XYLT1: variants seen among roughly 807,000 people sequenced by gnomAD.
The protein encoded by XYLT1 is beta-D-xylosyltransferase 1.
A neutral mutation model predicts 91.3 loss-of-function variants in XYLT1; 36 were observed. That is an observed-to-expected ratio of 0.39 (90% CI 0.30 to 0.52). The LOEUF (loss-of-function observed/expected upper bound fraction) is 0.52, where lower values mean the gene tolerates loss of function less well. XYLT1 is among the 20% of genes least tolerant of loss of function. The pLI is 0.68. For missense variants in XYLT1, 1,242 were observed against 1,284.5 expected (o/e 0.97, Z 0.51); for synonymous variants, 588 against 532.0 (o/e 1.11, Z -1.45).
intron 11 of XYLT1, among the ~76,000 whole-genome samples, chr16:17,112,103 G>A (rs1966842596): frequency 6.6e-6 from 1 of 152,200 alleles, no homozygotes; most frequent in South Asian, 2.1e-4. Context: ...AACGCTGGGA[G>A]CCAAATATTG....
chr16:17,138,525 A>G lies in XYLT1; in HGVS notation c.1594T>C (p.Phe532Leu). Residue 532 changes from phenylalanine (F) to leucine (L), a missense_variant, in exon 8 of 12, where the codon TTC becomes CTC. Transcript: ENST00000261381. The stretch of plus-strand genomic sequence containing the variant: ...GGGCTGTTCTCCAGGACCGTATGGA[A>G]GAAGGACTGCAGGGGAGAGAGGGAC... Reference protein sequence around the residue: ...SYTLLPAESFFHTVLENSPHC... With the variant: ...SYTLLPAESFLHTVLENSPHC... 1 of 1,612,844 alleles carries G rather than the reference A, an allele frequency of 6.2e-7. No individual in the cohort carries two copies. Among genetic ancestry groups the G allele is most frequent in the Non-Finnish European group, 8.5e-7 (1 of 1,179,838 alleles).
At chr16:17,242,776 C>T (rs1047469377) in intron 3 of XYLT1, among the ~76,000 whole-genome samples, 1 of 152,210 alleles carries the variant, frequency 6.6e-6, no homozygotes, top group Non-Finnish European at 1.5e-5. Flanking sequence ...CTGTTTCTCT[C>T]TCCCTCAAGC....
intron 9 of XYLT1, among the ~76,000 whole-genome samples, chr16:17,133,987 G>A (rs1212297851): frequency 2.6e-5 from 4 of 152,170 alleles, no homozygotes. Context: ...GGATGTCTGG[G>A]ATTGACTTCA....
At chr16:17,419,327 G>A (rs2036220785) in intron 1 of XYLT1, among the ~76,000 whole-genome samples, 1 of 151,978 alleles carries the variant, frequency 6.6e-6, no homozygotes, top group Admixed American at 6.6e-5. Context: ...GGGCGACAGA[G>A]CAAGATCCTG....
At chr16:17,371,580 C>T (rs1473154168) in intron 1 of XYLT1, among the ~76,000 whole-genome samples, 1 of 152,214 alleles carries the variant, frequency 6.6e-6, no homozygotes, top group East Asian at 1.9e-4. Context: ...TGTAGCATAT[C>T]TGATGAGCTA....
At chr16:17,279,353 T>C (rs1344774193) in intron 2 of XYLT1, among the ~76,000 whole-genome samples, 1 of 152,176 alleles carries the variant, frequency 6.6e-6, no homozygotes, top group African/African-American at 2.4e-5. Context: ...TAGCTGTTAC[T>C]AGTATGATCA....
rs767861812 is a variant in XYLT1, at chr16:17,134,616, G to T, written c.1884C>A (p.Arg628=). ...CATCGTAGACATTCTCCCAGTAGGAGCGCAGGCCCGGGGTACCTGCAGGGT... is the reference window on the plus strand; with the variant it reads ...CATCGTAGACATTCTCCCAGTAGGATCGCAGGCCCGGGGTACCTGCAGGGT... ...GNYPAGTPGL[R]SYWENVYDEP... Residue 628 remains arginine (R), a synonymous_variant, in exon 9 of 12, where the codon CGC becomes CGA. Transcript: ENST00000261381. 2 of 1,614,216 alleles carry T rather than the reference G, an allele frequency of 1.2e-6. No homozygotes were observed. Among genetic ancestry groups the T allele is most frequent in the South Asian group, 1.1e-5 (1 of 91,084 alleles).
chr16:17,172,065 G>A (rs2031832393), intron 5 of XYLT1, among the ~76,000 whole-genome samples: 1 of 152,128 alleles, frequency 6.6e-6, no homozygotes, highest in Non-Finnish European at 1.5e-5. Flanking sequence ...GAGTTGTTTT[G>A]GGGTTAGAAG....
At chr16:17,373,521 T>A (rs949715461) in intron 1 of XYLT1, among the ~76,000 whole-genome samples, 2 of 152,218 alleles carry the variant, frequency 1.3e-5, no homozygotes, top group Non-Finnish European at 2.9e-5. Context: ...GCCACACACT[T>A]TTAAGCCAGC....
Position 17,258,872 on chromosome 16 carries a change from T to C in XYLT1, c.913+116A>G. Reference sequence around the variant, plus strand: ...TCAGATCTCGTGTGCTCATCTGGGGTTTGGAAAACAGGGTGGCCTTTCTCA... The same window carrying C: ...TCAGATCTCGTGTGCTCATCTGGGGCTTGGAAAACAGGGTGGCCTTTCTCA... On this transcript the variant is annotated intron_variant, in intron 3 of 11. Coordinates refer to ENST00000261381, the MANE Select transcript of XYLT1 (RefSeq NM_022166.4). 6.3e-6 allele frequency: 8 copies of C among 1,260,416 alleles called. No homozygotes were observed. The South Asian group carries it at 1.3e-4, about 21-fold the overall frequency. The allele number at this position is 1,260,416 out of a possible 1,614,324, so 78.1% of individuals were successfully genotyped here.
chr16:17,137,893 C>T (rs1185609442), intron 8 of XYLT1, among the ~76,000 whole-genome samples: 1 of 152,184 alleles, frequency 6.6e-6, no homozygotes, highest in Non-Finnish European at 1.5e-5. Flanking sequence ...CATGGGACAG[C>T]ATGTCCCAAC....
chr16:17,192,226 G>A (rs929241199), intron 5 of XYLT1, among the ~76,000 whole-genome samples: 1 of 151,196 alleles, frequency 6.6e-6, no homozygotes. Context: ...AGCCTCCCAA[G>A]TAGCTGGGAT....
intron 3 of XYLT1, among the ~76,000 whole-genome samples, chr16:17,203,427 C>T (rs2032580162): frequency 6.6e-6 from 1 of 151,810 alleles, no homozygotes; most frequent in East Asian, 1.9e-4. Flanking sequence ...CACCATTCCA[C>T]CCATTTATCC....
chr16:17,448,141 G>A (rs987468700), intron 1 of XYLT1, among the ~76,000 whole-genome samples: 1 of 152,240 alleles, frequency 6.6e-6, no homozygotes, highest in Non-Finnish European at 1.5e-5. Context: ...GCCAAGGCGG[G>A]TGGATCACTT....
At chr16:17,222,290 C>T (rs896424990) in intron 3 of XYLT1, among the ~76,000 whole-genome samples, 2 of 152,196 alleles carry the variant, frequency 1.3e-5, no homozygotes, top group African/African-American at 4.8e-5. Context: ...CTAGCAATGT[C>T]TGGAGACATT....
At chr16:17,339,652 G>A (rs1447662444) in intron 2 of XYLT1, among the ~76,000 whole-genome samples, 1 of 152,098 alleles carries the variant, frequency 6.6e-6, no homozygotes, top group Non-Finnish European at 1.5e-5. Flanking sequence ...AGATTCCGAA[G>A]GGATTTACAA....
At chr16:17,308,027 T>G (rs1167318020) in intron 2 of XYLT1, among the ~76,000 whole-genome samples, 3 of 152,220 alleles carry the variant, frequency 2.0e-5, no homozygotes, top group Non-Finnish European at 4.4e-5. Flanking sequence ...CAGTGTATGC[T>G]GGTGGTGGGA....
At chr16:17,445,158 G>A (rs115823724) in intron 1 of XYLT1, among the ~76,000 whole-genome samples, 2,565 of 152,180 alleles carry the variant, frequency 0.017, 73 homozygotes, top group African/African-American at 0.059. Flanking sequence ...AACATGCCAG[G>A]CTAATTGTTT....
At chr16:17,148,767 C>T (rs1325239846) in intron 6 of XYLT1, among the ~76,000 whole-genome samples, 1 of 152,190 alleles carries the variant, frequency 6.6e-6, no homozygotes, top group Non-Finnish European at 1.5e-5. Context: ...ACCATAGTCC[C>T]ACCAAAAAGA....
Sources: gnomAD v4.1 joint callset for allele counts (sites outside exome capture counted in the v4.1 genomes callset) on GRCh38, gnomAD v4.1.1 for gene constraint, MANE v1.5 for transcripts, NCBI Gene and HGNC (gene_info 2026-07-23, HGNC 2026-07-21) for gene names.